UBL3: variants seen among roughly 807,000 people sequenced by gnomAD.
UBL3 encodes the protein ubiquitin like 3, also known as ubiquitin-like protein 3.
In UBL3, 6 loss-of-function variants were observed where a neutral mutation model predicts 18.4. The observed-to-expected ratio is 0.33, with a 90% CI of 0.18 to 0.64. The LOEUF is 0.64. Among genes scored for constraint, UBL3 ranks in the 30% least tolerant of loss-of-function variants. The pLI is 0.76. For synonymous variants in UBL3, 49 were observed against 46.6 expected, an observed-to-expected ratio of 1.05 and a Z score of -0.21; for missense variants, 109 against 142.9, an observed-to-expected ratio of 0.76 and a Z score of 1.21.
At chr13:29,790,412 C>G (rs1877451708) in intron 1 of UBL3, among the ~76,000 whole-genome samples, 1 of 152,142 alleles carries the variant, frequency 6.6e-6, no homozygotes, top group African/African-American at 2.4e-5. Context: ...TTACTTATGA[C>G]CATCTAATGA....
intron 1 of UBL3, among the ~76,000 whole-genome samples, chr13:29,846,172 T>G (rs2182129): frequency 0.27 from 40,541 of 151,902 alleles, 5,469 homozygotes; most frequent in East Asian, 0.42. Context: ...GCAACATAAA[T>G]AAATAAATAC....
At chr13:29,842,350 G>C (rs968494587) in intron 1 of UBL3, among the ~76,000 whole-genome samples, 3 of 151,846 alleles carry the variant, frequency 2.0e-5, no homozygotes, top group African/African-American at 7.3e-5. Context: ...TAGAGATGGG[G>C]GTTTCACCAT....
In UBL3 at chr13:29,772,129, C is replaced by T. The variant is rs1232597196; in HGVS notation, c.206G>A (p.Gly69Glu). 1.2e-6 allele frequency: 2 copies of T among 1,611,514 alleles called. No homozygotes were observed. Among genetic ancestry groups the T allele is most frequent in the Non-Finnish European group, 1.7e-6 (2 of 1,178,378 alleles). The change falls in exon 3 of 5, where the codon GGA (glycine) becomes GAA (glutamate). Residue 69 changes from glycine (G) to glutamate (E), a missense_variant. Coordinates refer to ENST00000380680, the MANE Select transcript of UBL3 (RefSeq NM_007106.4). ...RLIYQGRFLH[G>E]NVTLGALKLP... Reference sequence around the variant, plus strand: ...GCTGTTACCTCCTAATGTGACATTTCCATGTAGAAATCGTCCTTGATAAAT... The same window carrying T: ...GCTGTTACCTCCTAATGTGACATTTTCATGTAGAAATCGTCCTTGATAAAT...
At chr13:29,782,300 C>T (rs1305258033) in intron 1 of UBL3, among the ~76,000 whole-genome samples, 1 of 152,066 alleles carries the variant, frequency 6.6e-6, no homozygotes, top group African/African-American at 2.4e-5. Flanking sequence ...GACACACATA[C>T]TGTACTCCAT....
chr13:29,835,138 A>AAATATATATATATATATATATATATT (rs1878914885), intron 1 of UBL3, among the ~76,000 whole-genome samples: 1 of 9,484 alleles, frequency 1.1e-4, no homozygotes, highest in Non-Finnish European at 1.9e-4. Flanking sequence ...ATATATATAT[A>AAATATATATATATATATATATATATT]TATATATATA....
At chr13:29,831,457 G>A (rs1363616286) in intron 1 of UBL3, among the ~76,000 whole-genome samples, 1 of 151,940 alleles carries the variant, frequency 6.6e-6, no homozygotes, top group Non-Finnish European at 1.5e-5. Context: ...GGGTGGTAGT[G>A]CATGCCTGTA....
chr13:29,848,833 T>TCA (rs1320388306), intron 1 of UBL3, among the ~76,000 whole-genome samples: 1 of 152,250 alleles, frequency 6.6e-6, no homozygotes, highest in Non-Finnish European at 1.5e-5. Flanking sequence ...TGATCGAGGC[T>TCA]CAATACTATG....
Position 29,772,143 on chromosome 13 carries a change from T to C in UBL3, c.192A>G (p.Gly64=). 5 of 1,612,034 alleles carry C rather than the reference T, an allele frequency of 3.1e-6. No homozygotes were observed. In the Middle Eastern group the frequency reaches 5.0e-4, roughly 160 times the overall value. The change falls in exon 3 of 5, where the codon GGA becomes GGG. Residue 64 remains glycine (G), a synonymous_variant. Transcript: ENST00000380680. ...SPNILRLIYQ[G]RFLHGNVTLG... ...ATGTGACATTTCCATGTAGAAATCG[T>C]CCTTGATAAATAAGTCGTAGAATAT...
At chr13:29,828,929 C>T (rs1280998732) in intron 1 of UBL3, among the ~76,000 whole-genome samples, 1 of 152,196 alleles carries the variant, frequency 6.6e-6, no homozygotes, top group Non-Finnish European at 1.5e-5. Flanking sequence ...TTGTAGTTTG[C>T]TGGAGGTCCA....
At chr13:29,818,912 T>C (rs561232258) in intron 1 of UBL3, among the ~76,000 whole-genome samples, 1 of 152,212 alleles carries the variant, frequency 6.6e-6, no homozygotes, top group Non-Finnish European at 1.5e-5. Flanking sequence ...ATGCTTTATA[T>C]CTGTGTGTTT....
rs978352357 is a variant in UBL3, at chr13:29,776,899, A to C, written c.136+256T>G. ...AAAAAAAAAAAAAAAAAAAAAAAAA[A>C]AATTTTTTTCACTTACGTTAAAACA... On this transcript the variant is annotated intron_variant, in intron 2 of 4. Coordinates refer to ENST00000380680, the MANE Select transcript of UBL3 (RefSeq NM_007106.4). 8.3e-5 allele frequency among the ~76,000 whole-genome samples: 7 copies of C among 84,616 alleles called. No homozygotes were observed. In the East Asian group the frequency reaches 1.8e-3, roughly 21 times the overall value. 55.5% of individuals were successfully genotyped at this position (84,616 alleles called of 152,430 possible).
chr13:29,777,125 A>C, intron 2 of UBL3, 30 bp downstream of exon 2: 16 of 1,487,336 alleles, frequency 1.1e-5, no homozygotes, highest in African/African-American at 1.4e-5. Flanking sequence ...AATCAACATT[A>C]TTCATACTCA....
In UBL3 at chr13:29,850,579, G is replaced by GGCGGCAGCGGCAGCGGCGGCGGCA. The variant is rs879853129; in HGVS notation, c.-1042_-1041insTGCCGCCGCCGCTGCCGCTGCCGC. On this transcript the variant is annotated 5_prime_UTR_variant, in exon 1 of 5. Coordinates refer to ENST00000380680, the MANE Select transcript of UBL3 (RefSeq NM_007106.4). ...CTGTCATCGCCTCTCAAACCAACAT[G>GGCGGCAGCGGCAGCGGCGGCGGCA]GCGGCAGCGGCGGCGGCGGCGGCTG... is the stretch of plus-strand genomic sequence containing the variant. 1 of 155,790 alleles carries GGCGGCAGCGGCAGCGGCGGCGGCA rather than the reference G, an allele frequency of 6.4e-6. No homozygotes were observed. Among genetic ancestry groups the GGCGGCAGCGGCAGCGGCGGCGGCA allele is most frequent in the Non-Finnish European group, 1.4e-5 (1 of 71,366 alleles). The allele number at this position is 155,790 out of a possible 1,614,324, so 9.7% of individuals were successfully genotyped here.
intron 3 of UBL3, 25 bp downstream of exon 3, chr13:29,772,087 A>T: frequency 6.3e-7 from 1 of 1,583,544 alleles, no homozygotes; most frequent in Non-Finnish European, 8.7e-7. Context: ...CAGACATTAA[A>T]TCCCATTACA....
chr13:29,775,131 G>A (rs1876947512), intron 2 of UBL3, among the ~76,000 whole-genome samples: 1 of 152,196 alleles, frequency 6.6e-6, no homozygotes, highest in South Asian at 2.1e-4. Context: ...TATTCATGCT[G>A]TAAGCAGTGA....
intron 1 of UBL3, among the ~76,000 whole-genome samples, chr13:29,810,952 T>C (rs1878061572): frequency 1.3e-5 from 2 of 152,090 alleles, no homozygotes; most frequent in Non-Finnish European, 2.9e-5. Context: ...TACTCAACTT[T>C]TACTAGCTAT....
chr13:29,781,882 T>C (rs1877185986), intron 1 of UBL3, among the ~76,000 whole-genome samples: 3 of 138,488 alleles, frequency 2.2e-5, no homozygotes, highest in Admixed American at 1.4e-4. Flanking sequence ...CCTATAGTAC[T>C]AGCTACTCTG....
Position 29,775,498 on chromosome 13 carries a change from CTAA to C in UBL3, c.136+1654_136+1656del, listed in dbSNP as rs532580698. On this transcript the variant is annotated intron_variant, in intron 2 of 4. Coordinates refer to ENST00000380680, the MANE Select transcript of UBL3 (RefSeq NM_007106.4). ...CCTTTAAAAGTTCAAATTGCTACTG[CTAA>C]TAAAATTAAGTGAAATCAGCTGAAA... is the stretch of plus-strand genomic sequence containing the variant. Among the ~76,000 whole-genome samples, 75 of 152,112 alleles carry C rather than the reference CTAA, an allele frequency of 4.9e-4. 2 individuals carry two copies. In the South Asian group the frequency reaches 0.016, roughly 32 times the overall value.
intron 1 of UBL3, among the ~76,000 whole-genome samples, chr13:29,783,318 T>C (rs1877226552): frequency 1.3e-5 from 2 of 152,210 alleles, no homozygotes; most frequent in Admixed American, 1.3e-4. Flanking sequence ...TGGGTCTACT[T>C]TTCAAACGGA....
Sources: allele counts gnomAD v4.1 joint callset (sites outside exome capture counted in the v4.1 genomes callset), GRCh38; gene constraint gnomAD v4.1.1; transcripts MANE v1.5; gene names NCBI Gene and HGNC (gene_info 2026-07-23, HGNC 2026-07-21).